NELL2: variants seen among roughly 807,000 people sequenced by gnomAD.
NELL2 encodes neural EGFL like 2.
In NELL2, 41 loss-of-function variants were observed where a neutral mutation model predicts 109.6. The ratio of observed to expected loss-of-function variants is 0.37; its 90% CI spans 0.29 to 0.49. The LOEUF (loss-of-function observed/expected upper bound fraction) is 0.49. Among genes scored for constraint, NELL2 ranks in the 20% least tolerant of loss-of-function variants. The pLI, the probability that NELL2 is intolerant of heterozygous loss-of-function variation, is 0.98. For synonymous variants in NELL2, 355 were observed against 344.7 expected (o/e 1.03, Z -0.33); for missense variants, 900 against 1,008.3 (o/e 0.89, Z 1.45).
At chr12:44,847,719 T>C (rs1165091316) in intron 2 of NELL2, among the ~76,000 whole-genome samples, 3 of 152,048 alleles carry the variant, frequency 2.0e-5, no homozygotes, top group South Asian at 4.2e-4. Context: ...GATTTTTTTT[T>C]CCTCTCTTGG....
chr12:44,678,425 G>A (rs1255980114), intron 12 of NELL2, among the ~76,000 whole-genome samples: 1 of 151,980 alleles, frequency 6.6e-6, no homozygotes, highest in Non-Finnish European at 1.5e-5. Context: ...ATTTAGCATG[G>A]TCGCCATGGC....
At chr12:44,650,382 C>G (rs1051963542) in intron 13 of NELL2, among the ~76,000 whole-genome samples, 2 of 151,822 alleles carry the variant, frequency 1.3e-5, no homozygotes, top group African/African-American at 4.8e-5. Flanking sequence ...CAACCTCCGC[C>G]TCCCAGATTT....
chr12:44,805,319 G>C (rs1942963226), intron 3 of NELL2, among the ~76,000 whole-genome samples: 1 of 151,842 alleles, frequency 6.6e-6, no homozygotes, highest in South Asian at 2.1e-4. Flanking sequence ...AGAACAAAGA[G>C]ACTTGAGCTT....
chr12:44,844,602 A>G (rs904315186), intron 2 of NELL2, among the ~76,000 whole-genome samples: 15 of 152,204 alleles, frequency 9.9e-5, no homozygotes, highest in Admixed American at 5.2e-4. Flanking sequence ...TATATGAGAA[A>G]TGTTGGAGTA....
chr12:44,807,955 G>A (rs1343351105), intron 3 of NELL2, among the ~76,000 whole-genome samples: 3 of 152,096 alleles, frequency 2.0e-5, no homozygotes, highest in African/African-American at 7.2e-5. Flanking sequence ...GGAGCTACAA[G>A]ATGGATGACA....
At chr12:44,730,056 T>G (rs1939289362) in intron 9 of NELL2, among the ~76,000 whole-genome samples, 1 of 152,086 alleles carries the variant, frequency 6.6e-6, no homozygotes, top group South Asian at 2.1e-4. Context: ...AATAAGGAAA[T>G]TATATAAAGA....
At chr12:44,839,338 A>G (rs1944151732) in intron 2 of NELL2, among the ~76,000 whole-genome samples, 1 of 152,216 alleles carries the variant, frequency 6.6e-6, no homozygotes, top group Admixed American at 6.5e-5. Context: ...ATGGCGATAA[A>G]TAAAAACAAG....
intron 12 of NELL2, among the ~76,000 whole-genome samples, chr12:44,696,987 C>T (rs1198479897): frequency 2.6e-5 from 4 of 152,108 alleles, no homozygotes; most frequent in Non-Finnish European, 4.4e-5. Flanking sequence ...AAGGCCTCCT[C>T]GCTTAACATA....
chr12:44,918,802 T>A (rs1945847992), upstream of NELL2, among the ~76,000 whole-genome samples: 1 of 152,124 alleles, frequency 6.6e-6, no homozygotes, highest in South Asian at 2.1e-4. Flanking sequence ...GCAGAGGAGA[T>A]TAATGGCAGT....
At chr12:44,608,152 C>T (rs1184410151) in intron 14 of NELL2, among the ~76,000 whole-genome samples, 2 of 152,110 alleles carry the variant, frequency 1.3e-5, no homozygotes, top group Admixed American at 6.5e-5. Flanking sequence ...GCTGCTTCCT[C>T]AGCCTGACAA....
chr12:44,682,894 C>A lies in NELL2; in HGVS notation c.1319-17285G>T, dbSNP rs536547172. Among the ~76,000 whole-genome samples, 70 of 152,220 alleles carry A rather than the reference C, an allele frequency of 4.6e-4. 1 individual carries two copies. In the South Asian group the frequency reaches 8.7e-3, roughly 19 times the overall value. ...TTCTTTTGGCTTAGGATTGACATGG[C>A]AATGCAGGCTCTTTTTTGGTTCCAT... On this transcript the variant is annotated intron_variant, in intron 12 of 19. Coordinates refer to ENST00000429094, the MANE Select transcript of NELL2 (RefSeq NM_001145108.2).
At chr12:44,795,813 T>C (rs1228425808) in intron 3 of NELL2, among the ~76,000 whole-genome samples, 1 of 152,190 alleles carries the variant, frequency 6.6e-6, no homozygotes, top group Non-Finnish European at 1.5e-5. Context: ...ATTGGCTGTT[T>C]CATCTTGCCA....
intron 9 of NELL2, among the ~76,000 whole-genome samples, chr12:44,745,937 G>T (rs1416919459): frequency 8.5e-5 from 13 of 152,114 alleles, no homozygotes; most frequent in Non-Finnish European, 1.6e-4. Context: ...CACAGAATTG[G>T]AAAAAACTGC....
chr12:44,916,110 A>G (rs1398539155), upstream of NELL2, among the ~76,000 whole-genome samples: 1 of 152,244 alleles, frequency 6.6e-6, no homozygotes, highest in Non-Finnish European at 1.5e-5. Context: ...AGTATCAAAA[A>G]GCCTACATAA....
chr12:44,634,348 G>A (rs1299212582), intron 13 of NELL2, among the ~76,000 whole-genome samples: 1 of 143,510 alleles, frequency 7.0e-6, no homozygotes, highest in Non-Finnish European at 1.5e-5. Flanking sequence ...ACAGGTCCCA[G>A]TGTGTGACAT....
In NELL2 at chr12:44,804,532, T is replaced by C. The variant is rs377044682; in HGVS notation, c.335+11454A>G. 1.7e-4 allele frequency among the ~76,000 whole-genome samples: 26 copies of C among 151,928 alleles called. 1 individual carries two copies. The East Asian group carries it at 2.9e-3, about 17-fold the overall frequency. On this transcript the variant is annotated intron_variant, in intron 3 of 19. Transcript: ENST00000429094. ...GACACTTAATCGTAACTAAAGGAAATAGCAAAATAAGTTAAAAGTTGAATT... is the reference window on the plus strand; with the variant it reads ...GACACTTAATCGTAACTAAAGGAAACAGCAAAATAAGTTAAAAGTTGAATT...
intron 2 of NELL2, among the ~76,000 whole-genome samples, chr12:44,865,060 T>C (rs1944950645): frequency 7.4e-6 from 1 of 134,932 alleles, no homozygotes; most frequent in Non-Finnish European, 1.6e-5. Context: ...ATGATTGCCA[T>C]TCTAACTGGT....
chr12:44,679,029 A>T (rs1948410583), intron 12 of NELL2, among the ~76,000 whole-genome samples: 1 of 152,174 alleles, frequency 6.6e-6, no homozygotes, highest in African/African-American at 2.4e-5. Context: ...AAGCATAATT[A>T]AATGCTGATG....
At chr12:44,759,047 C>T (rs1274581643) in intron 9 of NELL2, among the ~76,000 whole-genome samples, 4 of 152,136 alleles carry the variant, frequency 2.6e-5, no homozygotes, top group Admixed American at 6.5e-5. Context: ...TGAAACAAAG[C>T]CAGAGTAAGA....
Sources: gnomAD v4.1 joint callset for allele counts (sites outside exome capture counted in the v4.1 genomes callset) on GRCh38, gnomAD v4.1.1 for gene constraint, MANE v1.5 for transcripts, NCBI Gene and HGNC (gene_info 2026-07-23, HGNC 2026-07-21) for gene names.